The following CEP85L variants were observed in gnomAD, a reference collection of about 807,000 sequenced individuals.
CEP85L encodes the protein centrosomal protein 85L, also known as centrosomal protein of 85 kDa-like.
A neutral mutation model predicts 100.3 loss-of-function variants in CEP85L; 60 were observed. The observed-to-expected ratio is 0.60, with a 90% confidence interval of 0.49 to 0.74. CEP85L has a LOEUF of 0.74. Ranked by LOEUF, CEP85L falls within the 30% of genes least tolerant of loss-of-function variation. The pLI, the probability that CEP85L is intolerant of heterozygous loss-of-function variation, is 0.00. For synonymous variants in CEP85L, 319 were observed against 322.7 expected (o/e 0.99, Z 0.12); for missense variants, 973 against 936.2 (o/e 1.04, Z -0.51).
rs547134784 is a variant in CEP85L at position 118,500,007 on chromosome 6, A to C, written c.1258-8142T>G. On this transcript the variant is annotated intron_variant, in intron 5 of 12. Transcript: ENST00000368491. ...ATAAAATGTCAAAAAGAATCCATACAAAAAAACTCCTGGCTAGGTGCAGTG... is the reference window on the plus strand; with the variant it reads ...ATAAAATGTCAAAAAGAATCCATACCAAAAAACTCCTGGCTAGGTGCAGTG... Among the ~76,000 whole-genome samples, 15 of 152,250 alleles carry C rather than the reference A, an allele frequency of 9.9e-5. No homozygotes were observed. In the East Asian group the frequency reaches 2.9e-3, roughly 30 times the overall value.
chr6:118,570,371 G>A (rs1235314919), intron 2 of CEP85L, among the ~76,000 whole-genome samples: 1 of 152,126 alleles, frequency 6.6e-6, no homozygotes. Context: ...CCATATCACA[G>A]CGGAATCCTC....
At position 118,469,124 on chromosome 6, in the gene CEP85L, A is replaced by G; in HGVS notation, c.2202T>C (p.Asn734=). Residue 734 remains asparagine, a synonymous_variant, in exon 12 of 13, where the codon AAT becomes AAC. Transcript: ENST00000368491. ...FDLKALCSIL[N]QRAQGKEPNL... ...TAGGCTCCTTGCCCTGAGCACGCTG[A>G]TTAAGAATACTACACAATGCTTTCA... The G allele has an allele frequency of 6.2e-7, 1 of 1,614,024 alleles. No homozygotes were observed. Among genetic ancestry groups the G allele is most frequent in the Non-Finnish European group, 8.5e-7 (1 of 1,179,900 alleles).
rs535330183 is a variant in CEP85L, at chr6:118,562,188, G to C, written c.1020+3341C>G. Among the ~76,000 whole-genome samples the C allele has an allele frequency of 2.6e-5, 4 of 152,132 alleles. No homozygotes were observed. In the East Asian group the frequency reaches 5.8e-4, roughly 22 times the overall value. Reference sequence around the variant, plus strand: ...TTGAATATATAAATTATCTCAAACAGTTAAAAAATTAAAGCCAGAACAGGG... The same window carrying C: ...TTGAATATATAAATTATCTCAAACACTTAAAAAATTAAAGCCAGAACAGGG... On this transcript the variant is annotated intron_variant, in intron 3 of 12. Coordinates refer to ENST00000368491, the MANE Select transcript of CEP85L (RefSeq NM_001042475.3).
At chr6:118,481,027 A>C (rs1365551791) in intron 8 of CEP85L, among the ~76,000 whole-genome samples, 1 of 149,954 alleles carries the variant, frequency 6.7e-6, no homozygotes, top group African/African-American at 2.5e-5. Context: ...CTTTTATTTT[A>C]GGTTTGGGGG....
chr6:118,667,008 T>C (rs1349426354), intron 1 of CEP85L, among the ~76,000 whole-genome samples: 15 of 152,198 alleles, frequency 9.9e-5, no homozygotes, highest in Admixed American at 9.8e-4. Context: ...TTGCCACAAA[T>C]TCACTCAATC....
intron 10 of CEP85L, among the ~76,000 whole-genome samples, chr6:118,473,563 T>C (rs945531686): frequency 4.1e-5 from 6 of 147,232 alleles, no homozygotes; most frequent in African/African-American, 1.5e-4. Flanking sequence ...ATTTTTATTC[T>C]GGAAAAAAAA....
intron 3 of CEP85L, among the ~76,000 whole-genome samples, chr6:118,546,005 T>G (rs186971692): frequency 3.3e-5 from 5 of 151,008 alleles, no homozygotes; most frequent in African/African-American, 1.2e-4. Context: ...TCAAAAAAAT[T>G]TTCTAGCCTC....
chr6:118,491,909 C>T, intron 5 of CEP85L, 44 bp from the exon 6 acceptor site: 2 of 1,467,212 alleles, frequency 1.4e-6, no homozygotes, highest in East Asian at 2.3e-5. Context: ...AAAAGTTTGT[C>T]TTGAACAAAT....
intron 1 of CEP85L, among the ~76,000 whole-genome samples, chr6:118,640,001 C>CT (rs1240122946): frequency 2.0e-5 from 3 of 152,026 alleles, no homozygotes; most frequent in Admixed American, 6.6e-5. Flanking sequence ...ATCAATGCAG[C>CT]TTTTTTTAAG....
chr6:118,580,300 T>A (rs1393765275), intron 2 of CEP85L, among the ~76,000 whole-genome samples: 1 of 152,200 alleles, frequency 6.6e-6, no homozygotes, highest in African/African-American at 2.4e-5. Flanking sequence ...AGGACCCTGG[T>A]ATTCCCCTCC....
chr6:118,549,165 T>C (rs1026436918), intron 3 of CEP85L, among the ~76,000 whole-genome samples: 1 of 151,990 alleles, frequency 6.6e-6, no homozygotes, highest in African/African-American at 2.4e-5. Flanking sequence ...CACACGAATA[T>C]TCTTAACTAT....
At chr6:118,490,075 C>T (rs913689776) in intron 6 of CEP85L, among the ~76,000 whole-genome samples, 81 of 152,058 alleles carry the variant, frequency 5.3e-4, no homozygotes, top group African/African-American at 1.9e-3. Flanking sequence ...ATGGATGGCT[C>T]TGGGGGATAT....
At chr6:118,668,633 C>T (rs1224793006) in intron 1 of CEP85L, among the ~76,000 whole-genome samples, 1 of 152,136 alleles carries the variant, frequency 6.6e-6, no homozygotes, top group Admixed American at 6.5e-5. Flanking sequence ...AAAGTACAAA[C>T]ACTATTATGT....
At chr6:118,565,331 T>C in intron 3 of CEP85L, 198 bp downstream of exon 3, 1 of 596,438 alleles carries the variant, frequency 1.7e-6, no homozygotes, top group East Asian at 2.8e-5. Context: ...GGTTTTCAGA[T>C]TTTCATGTTA....
At position 118,707,015 on chromosome 6, in the gene CEP85L, A is replaced by G. The variant is rs372453182; in HGVS notation, c.-28+3021T>C. Among the ~76,000 whole-genome samples the G allele has an allele frequency of 8.6e-4, 131 of 152,156 alleles. 1 individual carries two copies. The South Asian group carries it at 0.023, about 27-fold the overall frequency. ...CCCCTCATTGGCCTGGCAAATCCCC[A>G]AACTTCAATGAGTTCATCTTCATAT... is the stretch of plus-strand genomic sequence containing the variant. On this transcript the variant is annotated intron_variant, in intron 1 of 13. Coordinates refer to the CEP85L transcript ENST00000368488.
At chr6:118,629,521 C>T (rs1774007773) in intron 2 of CEP85L, among the ~76,000 whole-genome samples, 1 of 152,198 alleles carries the variant, frequency 6.6e-6, no homozygotes, top group Non-Finnish European at 1.5e-5. Flanking sequence ...AGAACACTGA[C>T]AACACCAAAT....
chr6:118,485,478 C>G (rs1774112765), intron 6 of CEP85L, among the ~76,000 whole-genome samples: 1 of 152,140 alleles, frequency 6.6e-6, no homozygotes, highest in Non-Finnish European at 1.5e-5. Flanking sequence ...TGGTAAGGAG[C>G]AACACTGGTA....
intron 3 of CEP85L, among the ~76,000 whole-genome samples, chr6:118,555,511 A>G (rs1199493119): frequency 1.3e-5 from 2 of 152,150 alleles, no homozygotes; most frequent in African/African-American, 4.8e-5. Flanking sequence ...ATAAGCAAAT[A>G]TCAACATAAG....
chr6:118,556,770 C>T (rs944132589), intron 3 of CEP85L, among the ~76,000 whole-genome samples: 3 of 151,952 alleles, frequency 2.0e-5, no homozygotes, highest in African/African-American at 7.3e-5. Context: ...TTTTTTTCTC[C>T]GTTTTTCATT....
Sources: allele counts gnomAD v4.1 joint callset (sites outside exome capture counted in the v4.1 genomes callset), GRCh38; gene constraint gnomAD v4.1.1; transcripts MANE v1.5; gene names NCBI Gene and HGNC (gene_info 2026-07-23, HGNC 2026-07-21).